Variants in ADAMTSL1 observed in about 807,000 individuals in gnomAD.
ADAMTSL1 encodes the protein ADAMTS like 1, also known as ADAMTS-like protein 1.
Under a neutral mutation model 201.8 loss-of-function variants are expected in ADAMTSL1, and 126 were observed. The ratio of observed to expected loss-of-function variants is 0.62; its 90% CI spans 0.54 to 0.72. ADAMTSL1 has a LOEUF of 0.72. Among genes scored for constraint, ADAMTSL1 ranks in the 30% least tolerant of loss-of-function variants. The pLI, the probability that ADAMTSL1 is intolerant of heterozygous loss-of-function variation, is 0.00. For missense variants in ADAMTSL1, 2,679 were observed against 2,277.8 expected (o/e 1.18, Z -3.59); for synonymous variants, 1,121 against 903.4 (o/e 1.24, Z -4.32).
At chr9:18,761,053 TAC>T (rs1488573254) in intron 16 of ADAMTSL1, among the ~76,000 whole-genome samples, 3 of 152,240 alleles carry the variant, frequency 2.0e-5, no homozygotes, top group African/African-American at 7.2e-5. Flanking sequence ...ACTCAGTGGG[TAC>T]TCAATAAATG....
intron 13 of ADAMTSL1, among the ~76,000 whole-genome samples, chr9:18,690,185 A>T (rs1400563645): frequency 2.6e-5 from 4 of 152,126 alleles, no homozygotes; most frequent in Admixed American, 1.3e-4. Context: ...CACCATGGTG[A>T]TTCTGTAGTC....
chr9:18,511,141 G>A (rs547736798), intron 2 of ADAMTSL1, among the ~76,000 whole-genome samples: 17 of 152,210 alleles, frequency 1.1e-4, no homozygotes, highest in African/African-American at 4.1e-4. Context: ...TTAGATAGCT[G>A]GCTGCTCTTA....
intron 1 of ADAMTSL1, among the ~76,000 whole-genome samples, chr9:17,927,891 A>G (rs1826617477): frequency 6.6e-6 from 1 of 152,042 alleles, no homozygotes; most frequent in South Asian, 2.1e-4. Context: ...ATTAGTGGAC[A>G]CTTGAGTTGC....
intron 1 of ADAMTSL1, among the ~76,000 whole-genome samples, chr9:17,922,275 T>A (rs1253387610): frequency 6.6e-6 from 1 of 152,178 alleles, no homozygotes; most frequent in Admixed American, 6.6e-5. Context: ...TTTTCAGTTC[T>A]GCTCATGACC....
At chr9:18,829,241 C>T (rs1162572626) in intron 22 of ADAMTSL1, among the ~76,000 whole-genome samples, 2 of 152,318 alleles carry the variant, frequency 1.3e-5, no homozygotes, top group East Asian at 1.9e-4. Flanking sequence ...AATGATGAAG[C>T]ATCGCATAGC....
At chr9:18,597,964 C>T (rs1824373877) in intron 4 of ADAMTSL1, among the ~76,000 whole-genome samples, 1 of 152,112 alleles carries the variant, frequency 6.6e-6, no homozygotes, top group African/African-American at 2.4e-5. Context: ...TCTATTGCCT[C>T]TTTGGTTAGA....
At chr9:18,347,010 A>G (rs1332565991) in intron 2 of ADAMTSL1, among the ~76,000 whole-genome samples, 2 of 152,178 alleles carry the variant, frequency 1.3e-5, no homozygotes, top group African/African-American at 4.8e-5. Context: ...AGACAAATAC[A>G]CAGAGCTCTG....
rs531453831 is a variant in ADAMTSL1, at chr9:18,465,694, A to G, written c.208-39135A>G. On this transcript the variant is annotated intron_variant, in intron 2 of 29. Transcript: ENST00000680146. ...CATGTATGTTTGTACCAAAGCAGAAAAAGAATAGATATGGATGGCTAATAT... is the reference window on the plus strand; with the variant it reads ...CATGTATGTTTGTACCAAAGCAGAAGAAGAATAGATATGGATGGCTAATAT... Among the ~76,000 whole-genome samples the G allele has an allele frequency of 2.6e-5, 4 of 152,322 alleles. No homozygotes were observed. In the East Asian group the frequency reaches 5.8e-4, roughly 22 times the overall value.
At chr9:18,196,643 C>A (rs979338007) in intron 2 of ADAMTSL1, among the ~76,000 whole-genome samples, 1 of 152,080 alleles carries the variant, frequency 6.6e-6, no homozygotes, top group African/African-American at 2.4e-5. Flanking sequence ...CTATACTCAA[C>A]TTTTCAAGTT....
chr9:18,511,064 T>C (rs1013392752), intron 2 of ADAMTSL1, among the ~76,000 whole-genome samples: 1 of 152,126 alleles, frequency 6.6e-6, no homozygotes, highest in Non-Finnish European at 1.5e-5. Flanking sequence ...TCTGTCTCCC[T>C]GTATTAAGTC....
intron 2 of ADAMTSL1, among the ~76,000 whole-genome samples, chr9:18,386,642 T>C (rs1837804199): frequency 6.6e-6 from 1 of 152,174 alleles, no homozygotes; most frequent in Non-Finnish European, 1.5e-5. Context: ...TTATTCCTTA[T>C]ATGCTTACCT....
At chr9:18,302,180 T>G (rs73428943) in intron 2 of ADAMTSL1, among the ~76,000 whole-genome samples, 10,390 of 152,206 alleles carry the variant, frequency 0.068, 1,123 homozygotes, top group African/African-American at 0.23. Context: ...TGCCAGAGTG[T>G]AGGATAGAAT....
chr9:18,878,824 C>T (rs567962848), intron 23 of ADAMTSL1, among the ~76,000 whole-genome samples: 2 of 152,142 alleles, frequency 1.3e-5, no homozygotes, highest in African/African-American at 4.8e-5. Context: ...CATTTTTCCC[C>T]TCAGGATTAT....
intron 1 of ADAMTSL1, among the ~76,000 whole-genome samples, chr9:18,085,027 T>A (rs1472867736): frequency 6.6e-5 from 10 of 152,176 alleles, no homozygotes; most frequent in Admixed American, 6.5e-4. Context: ...GGTAGAGTGT[T>A]TGAAGCTGAC....
intron 2 of ADAMTSL1, among the ~76,000 whole-genome samples, chr9:18,254,344 GGTTT>G (rs1831584439): frequency 7.3e-5 from 4 of 55,086 alleles, no homozygotes; most frequent in Admixed American, 2.1e-4. Flanking sequence ...TACTCTTTTT[GGTTT>G]TTTTTTTTTT....
chr9:18,315,351 G>C (rs1159945086), intron 2 of ADAMTSL1, among the ~76,000 whole-genome samples: 1 of 152,150 alleles, frequency 6.6e-6, no homozygotes, highest in Non-Finnish European at 1.5e-5. Context: ...AGGCGGAGCT[G>C]CCTGTCAGTC....
intron 1 of ADAMTSL1, among the ~76,000 whole-genome samples, chr9:17,998,347 T>C (rs1344791152): frequency 6.6e-6 from 1 of 151,622 alleles, no homozygotes; most frequent in Non-Finnish European, 1.5e-5. Context: ...TAAAAGGAGA[T>C]AAAGGGGGTT....
intron 13 of ADAMTSL1, among the ~76,000 whole-genome samples, chr9:18,690,599 C>A (rs1041895131): frequency 6.6e-6 from 1 of 152,220 alleles, no homozygotes; most frequent in Non-Finnish European, 1.5e-5. Context: ...ATACTGTTTG[C>A]AGATCTTTCA....
At chr9:18,218,942 AG>A (rs970479962) in intron 2 of ADAMTSL1, among the ~76,000 whole-genome samples, 1 of 152,054 alleles carries the variant, frequency 6.6e-6, no homozygotes, top group African/African-American at 2.4e-5. Context: ...ATTTAATATA[AG>A]GTTCTAATTT....
Sources: allele counts gnomAD v4.1 joint callset (sites outside exome capture counted in the v4.1 genomes callset), GRCh38; gene constraint gnomAD v4.1.1; transcripts MANE v1.5; gene names NCBI Gene and HGNC (gene_info 2026-07-23, HGNC 2026-07-21).